MAD1L1: variants seen among roughly 807,000 people sequenced by gnomAD.
MAD1L1 encodes the protein mitotic arrest deficient 1 like 1.
Under a neutral mutation model 96.9 loss-of-function variants are expected in MAD1L1, and 95 were observed. The observed-to-expected ratio is 0.98, with a 90% CI of 0.83 to 1.16. MAD1L1 has a LOEUF of 1.16. Ranked by LOEUF, MAD1L1 falls within the 50% of genes most tolerant of loss-of-function variation. MAD1L1 has a pLI of 0.00. For synonymous variants in MAD1L1, 473 were observed against 396.6 expected (o/e 1.19, Z -2.29); for missense variants, 1,007 against 954.4 (o/e 1.06, Z -0.73).
At chr7:1,826,907 C>T (rs560137793) in intron 18 of MAD1L1, among the ~76,000 whole-genome samples, 280 of 152,240 alleles carry the variant, frequency 1.8e-3, no homozygotes, top group Admixed American at 3.6e-3. Flanking sequence ...GAGTGACTGG[C>T]GGGGCGGGCA....
chr7:1,916,621 C>T (rs905813732), intron 17 of MAD1L1, among the ~76,000 whole-genome samples: 1 of 152,152 alleles, frequency 6.6e-6, no homozygotes, highest in African/African-American at 2.4e-5. Context: ...CCCTCCAGGC[C>T]CTGCAAGGGA....
chr7:2,109,996 G>C (rs1249434693), intron 11 of MAD1L1, among the ~76,000 whole-genome samples: 1 of 152,204 alleles, frequency 6.6e-6, no homozygotes, highest in Non-Finnish European at 1.5e-5. Flanking sequence ...AGTTGTGAGA[G>C]TGCAGACCCA....
chr7:1,907,627 G>C (rs1455068835), intron 17 of MAD1L1, among the ~76,000 whole-genome samples: 3 of 152,256 alleles, frequency 2.0e-5, no homozygotes, highest in African/African-American at 4.8e-5. Context: ...TCACGGACAA[G>C]TCACCTCATC....
chr7:2,069,447 G>A lies in MAD1L1; in HGVS notation c.1074-109C>T, dbSNP rs1785026008. 28 of 1,086,422 alleles carry A rather than the reference G, an allele frequency of 2.6e-5. No homozygotes were observed. The South Asian group carries it at 4.5e-4, about 17-fold the overall frequency. 67.3% of individuals were successfully genotyped at this position (1,086,422 alleles called of 1,614,324 possible). A position where few individuals can be genotyped will look rare whatever the true frequency, so the allele number is the denominator to read the frequency against. On this transcript the variant is annotated intron_variant, in intron 11 of 18. Transcript: ENST00000265854. ...CACCAGGACATCCTAAAATAGAGCTGCACGTGCAACCCCCTCACTGCCATT... is the reference window on the plus strand; with the variant it reads ...CACCAGGACATCCTAAAATAGAGCTACACGTGCAACCCCCTCACTGCCATT...
chr7:2,087,098 G>A (rs73032340), intron 11 of MAD1L1, among the ~76,000 whole-genome samples: 4,122 of 152,304 alleles, frequency 0.027, 96 homozygotes, highest in South Asian at 0.09. Flanking sequence ...GGCTGCTGGC[G>A]GCAGGGGAAG....
chr7:1,930,915 G>A (rs1789434943), intron 17 of MAD1L1, among the ~76,000 whole-genome samples: 1 of 152,166 alleles, frequency 6.6e-6, no homozygotes, highest in African/African-American at 2.4e-5. Context: ...GCCAGGCCGG[G>A]GAGGAGCATC....
At chr7:2,060,627 A>G (rs918202447) in intron 12 of MAD1L1, among the ~76,000 whole-genome samples, 12 of 152,224 alleles carry the variant, frequency 7.9e-5, no homozygotes, top group African/African-American at 2.9e-4. Context: ...ACAAATAAAA[A>G]AAGAGCCCAT....
At chr7:1,976,857 G>T (rs527547034) in intron 15 of MAD1L1, among the ~76,000 whole-genome samples, 3 of 152,058 alleles carry the variant, frequency 2.0e-5, no homozygotes, top group East Asian at 3.8e-4. Context: ...GTGCTGATTG[G>T]TGTATTTACA....
rs544127139 is a variant in MAD1L1 at position 1,815,904 on chromosome 7, C to T, written c.*166G>A. 48 of 791,090 alleles carry T rather than the reference C, an allele frequency of 6.1e-5. 1 individual carries two copies. The highest frequency in any genetic ancestry group is 2.8e-4 in the Middle Eastern group (1 of 3,546). The allele number at this position is 791,090 out of a possible 1,614,324, so 49.0% of individuals were successfully genotyped here. A position where few individuals can be genotyped will look rare whatever the true frequency, so the allele number is the denominator to read the frequency against. ...GTCTGCACGTGGAGAGGGTGCTGGCCGCCCCAGCAGGAAGCCCGACGTAGG... is the reference window on the plus strand; with the variant it reads ...GTCTGCACGTGGAGAGGGTGCTGGCTGCCCCAGCAGGAAGCCCGACGTAGG... On this transcript the variant is annotated 3_prime_UTR_variant, in exon 19 of 19. Transcript: ENST00000265854.
chr7:1,986,566 A>AAGGGGGTTCTACTCCGCGGCTCCCTCC (rs1254366137), intron 14 of MAD1L1, among the ~76,000 whole-genome samples: 1 of 100,856 alleles, frequency 9.9e-6, no homozygotes, highest in Admixed American at 1.4e-4. Context: ...CGGCTCCCTC[A>AAGGGGGTTCTACTCCGCGGCTCCCTCC]TGGAGCTGCC....
At chr7:2,025,612 C>A (rs1584115969) in intron 12 of MAD1L1, among the ~76,000 whole-genome samples, 1 of 152,084 alleles carries the variant, frequency 6.6e-6, no homozygotes, top group Non-Finnish European at 1.5e-5. Context: ...GGTTGCAACA[C>A]AGGGGAATAA....
intron 13 of MAD1L1, among the ~76,000 whole-genome samples, chr7:2,007,251 C>T (rs1054857902): frequency 6.6e-6 from 1 of 152,238 alleles, no homozygotes; most frequent in Non-Finnish European, 1.5e-5. Context: ...TGCTGCCCCG[C>T]TGGATCCAGA....
At chr7:1,874,774 G>C (rs990126344) in intron 18 of MAD1L1, among the ~76,000 whole-genome samples, 2 of 152,106 alleles carry the variant, frequency 1.3e-5, no homozygotes, top group African/African-American at 4.8e-5. Context: ...GGTGGGGCTG[G>C]AGGGCTCCAG....
At chr7:1,941,474 T>C (rs1253235686) in intron 16 of MAD1L1, among the ~76,000 whole-genome samples, 2 of 152,172 alleles carry the variant, frequency 1.3e-5, no homozygotes, top group Non-Finnish European at 2.9e-5. Flanking sequence ...AACTGAGAAG[T>C]TCTTCTTAAA....
intron 15 of MAD1L1, among the ~76,000 whole-genome samples, chr7:1,959,327 A>G (rs1032127816): frequency 6.6e-6 from 1 of 152,226 alleles, no homozygotes; most frequent in African/African-American, 2.4e-5. Context: ...GAGCTGTGGG[A>G]CAGCTTCATG....
At chr7:1,832,630 T>TTTGGGG (rs56664541) in intron 18 of MAD1L1, among the ~76,000 whole-genome samples, 54 of 2,350 alleles carry the variant, frequency 0.023, 5 homozygotes, top group Non-Finnish European at 0.035. Context: ...TTTTTTTTTT[T>TTTGGGG]GGCGGGGGGG....
intron 14 of MAD1L1, among the ~76,000 whole-genome samples, chr7:1,995,396 T>C (rs2128490269): frequency 6.6e-6 from 1 of 152,228 alleles, no homozygotes; most frequent in South Asian, 2.1e-4. Context: ...TCACTTAGCT[T>C]TGTGAGACTC....
chr7:1,865,078 C>G (rs1784716149), intron 18 of MAD1L1, among the ~76,000 whole-genome samples: 1 of 152,206 alleles, frequency 6.6e-6, no homozygotes, highest in South Asian at 2.1e-4. Flanking sequence ...TGACACCCTT[C>G]CGGGAGCATC....
intron 7 of MAD1L1, 80 bp from the exon 8 acceptor site, chr7:2,216,367 G>A: frequency 6.9e-7 from 1 of 1,452,342 alleles, no homozygotes; most frequent in Non-Finnish European, 9.3e-7. Context: ...ACACGGCTAA[G>A]AGAAGGAAGC....
Sources: allele counts gnomAD v4.1 joint callset (sites outside exome capture counted in the v4.1 genomes callset), GRCh38; gene constraint gnomAD v4.1.1; transcripts MANE v1.5; gene names NCBI Gene and HGNC (gene_info 2026-07-23, HGNC 2026-07-21).